KATNIP: variants seen among roughly 807,000 people sequenced by gnomAD.
KATNIP encodes katanin interacting protein, also known as katanin-interacting protein.
KATNIP carries 126 observed loss-of-function variants against 174.0 expected under a neutral mutation model. The ratio of observed to expected loss-of-function variants is 0.72; its 90% confidence interval spans 0.63 to 0.84. The LOEUF (loss-of-function observed/expected upper bound fraction) is 0.84, where lower values mean the gene tolerates loss of function less well. KATNIP is among the 40% of genes least tolerant of loss of function. The pLI is 0.00. For missense variants in KATNIP, 1,958 were observed against 2,109.7 expected (o/e 0.93, Z 1.41); for synonymous variants, 810 against 835.7 (o/e 0.97, Z 0.53).
intron 1 of KATNIP, among the ~76,000 whole-genome samples, chr16:27,550,461 G>A (rs1004563324): frequency 1.3e-5 from 2 of 152,146 alleles, no homozygotes; most frequent in South Asian, 4.1e-4. Flanking sequence ...AGAAGTAGAG[G>A]TCTGAGGAGG....
At chr16:27,763,295 A>AT (rs1256279919) in intron 19 of KATNIP, among the ~76,000 whole-genome samples, 2 of 151,206 alleles carry the variant, frequency 1.3e-5, no homozygotes, top group Non-Finnish European at 3.0e-5. Flanking sequence ...ACAAAAAAAA[A>AT]TAAAAAATAA....
At chr16:27,747,118 C>T (rs1456541046) in intron 15 of KATNIP, among the ~76,000 whole-genome samples, 1 of 152,298 alleles carries the variant, frequency 6.6e-6, no homozygotes, top group East Asian at 1.9e-4. Context: ...AGGAGAGGAG[C>T]GGCCTGGGCC....
intron 14 of KATNIP, among the ~76,000 whole-genome samples, chr16:27,722,828 A>T (rs1049875647): frequency 1.3e-5 from 2 of 152,228 alleles, no homozygotes; most frequent in Non-Finnish European, 2.9e-5. Flanking sequence ...AGTGAGCTGG[A>T]TATCTGAGTT....
chr16:27,676,693 G>A (rs1005046237), intron 6 of KATNIP, among the ~76,000 whole-genome samples: 1 of 152,094 alleles, frequency 6.6e-6, no homozygotes, highest in African/African-American at 2.4e-5. Context: ...GTGCATGTGT[G>A]TGTGTGTGTG....
chr16:27,554,695 G>T (rs542005996), intron 1 of KATNIP, among the ~76,000 whole-genome samples: 1 of 151,416 alleles, frequency 6.6e-6, no homozygotes, highest in African/African-American at 2.4e-5. Flanking sequence ...CCCCCAAAAG[G>T]AAAAATTTAT....
chr16:27,616,061 G>A (rs1284041916), intron 2 of KATNIP, among the ~76,000 whole-genome samples: 1 of 152,012 alleles, frequency 6.6e-6, no homozygotes, highest in Non-Finnish European at 1.5e-5. Flanking sequence ...TCCTCCCCTT[G>A]GCAACAAAGT....
At chr16:27,570,848 A>T (rs2090264359) in intron 1 of KATNIP, among the ~76,000 whole-genome samples, 1 of 152,176 alleles carries the variant, frequency 6.6e-6, no homozygotes, top group South Asian at 2.1e-4. Flanking sequence ...CAGTTAGAGA[A>T]ATGTGAAGAC....
chr16:27,595,523 T>A (rs2075309512), intron 2 of KATNIP, among the ~76,000 whole-genome samples: 1 of 152,130 alleles, frequency 6.6e-6, no homozygotes, highest in Non-Finnish European at 1.5e-5. Context: ...CATCACCAAG[T>A]CTGGTCGTGT....
intron 1 of KATNIP, among the ~76,000 whole-genome samples, chr16:27,565,681 G>A (rs1420277233): frequency 1.3e-5 from 2 of 151,890 alleles, no homozygotes; most frequent in African/African-American, 4.8e-5. Context: ...CTATTCTGGA[G>A]GCTGAGGTGG....
Position 27,576,061 on chromosome 16 carries a change from G to T in KATNIP, c.63+2105G>T, listed in dbSNP as rs2090485510. Among the ~76,000 whole-genome samples the T allele has an allele frequency of 2.0e-5, 3 of 152,310 alleles. No homozygotes were observed. In the South Asian group the frequency reaches 6.2e-4, roughly 32 times the overall value. On this transcript the variant is annotated intron_variant, in intron 2 of 27. Transcript: ENST00000261588. ...GAAGACCAGCCTGCAAGCCAGGAAA[G>T]AAACCTGAAACCCACCCCTGGCCTT...
At position 27,775,054 on chromosome 16, in the gene KATNIP, C is replaced by T; in HGVS notation, c.4419C>T (p.His1473=). ...DQVNDTSDGR[H]MWLAPILPGL... is the part of the protein sequence containing the mutation. ...TGAACGACACCAGTGATGGCCGGCA[C>T]ATGTGGCTGGCTCCCATCCTGCCGG... Residue 1473 remains histidine, a synonymous_variant, in exon 24 of 28, where the codon CAC becomes CAT. Coordinates refer to ENST00000261588, the MANE Select transcript of KATNIP (RefSeq NM_015202.5). 1.2e-6 allele frequency: 2 copies of T among 1,612,956 alleles called. No individual in the cohort carries two copies. The highest frequency in any genetic ancestry group is 2.7e-5 in the African/African-American group (2 of 75,024).
chr16:27,680,024 A>T (rs547268658), intron 7 of KATNIP, among the ~76,000 whole-genome samples: 5 of 151,838 alleles, frequency 3.3e-5, no homozygotes, highest in African/African-American at 1.2e-4. Flanking sequence ...TCACACTCCC[A>T]CCACATCCAC....
At chr16:27,563,256 T>C in intron 1 of KATNIP, among the ~76,000 whole-genome samples, 1 of 152,150 alleles carries the variant, frequency 6.6e-6, no homozygotes, top group African/African-American at 2.4e-5. Context: ...GAAATCTCAT[T>C]GCTAAGAAGG....
chr16:27,613,372 C>T (rs931836199), intron 2 of KATNIP, among the ~76,000 whole-genome samples: 8 of 152,172 alleles, frequency 5.3e-5, no homozygotes, highest in African/African-American at 1.7e-4. Context: ...TTCAGTTTCT[C>T]GAGTCTTTCT....
At chr16:27,711,492 A>C (rs1041984592) in intron 13 of KATNIP, among the ~76,000 whole-genome samples, 37 of 152,196 alleles carry the variant, frequency 2.4e-4, no homozygotes, top group African/African-American at 8.0e-4. Flanking sequence ...TACAGCAACC[A>C]TTTATTGAGA....
At chr16:27,671,204 T>C (rs2077889685) in intron 6 of KATNIP, among the ~76,000 whole-genome samples, 1 of 151,986 alleles carries the variant, frequency 6.6e-6, no homozygotes, top group Non-Finnish European at 1.5e-5. Context: ...AAAATAAAAA[T>C]AAAAATAAAA....
rs1038277894 is a variant in KATNIP at position 27,749,285 on chromosome 16, T to A, written c.2624-299T>A. Among the ~76,000 whole-genome samples the A allele has an allele frequency of 5.3e-5, 8 of 152,320 alleles. No homozygotes were observed. In the South Asian group the frequency reaches 1.7e-3, roughly 32 times the overall value. On this transcript the variant is annotated intron_variant, in intron 15 of 27. Coordinates refer to ENST00000261588, the MANE Select transcript of KATNIP (RefSeq NM_015202.5). ...TCTGGAATTGGGTGATCATAGACAA[T>A]TATTTTACCGACCTGAATGGCCCAC...
chr16:27,626,296 C>G (rs1243033214), intron 3 of KATNIP, among the ~76,000 whole-genome samples: 2 of 150,938 alleles, frequency 1.3e-5, no homozygotes, highest in Admixed American at 6.7e-5. Flanking sequence ...TGGTGTTGGA[C>G]ATTTGGGTTG....
intron 13 of KATNIP, 84 bp downstream of exon 13, chr16:27,709,004 A>G: frequency 1.8e-6 from 2 of 1,136,776 alleles, no homozygotes; most frequent in Non-Finnish European, 2.6e-6. Flanking sequence ...TGTTAAGGGT[A>G]TGAGTGGAGG....
Sources: allele counts gnomAD v4.1 joint callset (sites outside exome capture counted in the v4.1 genomes callset), GRCh38; gene constraint gnomAD v4.1.1; transcripts MANE v1.5; gene names NCBI Gene and HGNC (gene_info 2026-07-23, HGNC 2026-07-21).